GABBR2: variants seen among roughly 807,000 people sequenced by gnomAD.
The protein encoded by GABBR2 is G-protein coupled receptor 51.
GABBR2 carries 23 observed loss-of-function variants against 105.6 expected under a neutral mutation model. That is an observed-to-expected ratio of 0.22 (90% CI 0.16 to 0.31). The LOEUF (loss-of-function observed/expected upper bound fraction) is 0.31. GABBR2 is among the 10% of genes least tolerant of loss of function. The pLI is 1.00. For synonymous variants in GABBR2, 478 were observed against 499.7 expected (o/e 0.96, Z 0.58); for missense variants, 734 against 1,245.5 (o/e 0.59, Z 6.18).
chr9:98,551,295 C>T (rs1828481496), intron 2 of GABBR2, among the ~76,000 whole-genome samples: 1 of 152,058 alleles, frequency 6.6e-6, no homozygotes, highest in Non-Finnish European at 1.5e-5. Context: ...CCCAGCTACC[C>T]AGGAGGCTGA....
At chr9:98,337,299 C>T (rs1225208682) in intron 13 of GABBR2, among the ~76,000 whole-genome samples, 3 of 151,868 alleles carry the variant, frequency 2.0e-5, no homozygotes, top group African/African-American at 7.3e-5. Flanking sequence ...AGTGAGACTC[C>T]ATCTCGGAAG....
intron 1 of GABBR2, among the ~76,000 whole-genome samples, chr9:98,693,877 G>C (rs1347845911): frequency 6.6e-6 from 1 of 152,258 alleles, no homozygotes; most frequent in Non-Finnish European, 1.5e-5. Flanking sequence ...AGCATGCAGA[G>C]AATTCTGAGC....
intron 3 of GABBR2, among the ~76,000 whole-genome samples, chr9:98,508,293 A>G (rs1033026918): frequency 6.6e-6 from 1 of 152,220 alleles, no homozygotes; most frequent in Non-Finnish European, 1.5e-5. Flanking sequence ...AGGAGCCAAG[A>G]TGGCCGAATA....
At chr9:98,427,078 G>A (rs1026051031) in intron 7 of GABBR2, among the ~76,000 whole-genome samples, 1 of 152,212 alleles carries the variant, frequency 6.6e-6, no homozygotes, top group Non-Finnish European at 1.5e-5. Context: ...CTGCTTTGAT[G>A]GTCCCAGTGT....
chr9:98,376,543 G>A (rs1433917449), intron 11 of GABBR2, among the ~76,000 whole-genome samples: 7 of 145,236 alleles, frequency 4.8e-5, no homozygotes, highest in South Asian at 4.2e-4. Flanking sequence ...CTCCCAGAGC[G>A]CCCCAAAGCA....
intron 1 of GABBR2, among the ~76,000 whole-genome samples, chr9:98,680,481 G>A (rs1365441098): frequency 6.6e-6 from 1 of 151,814 alleles, no homozygotes; most frequent in African/African-American, 2.4e-5. Flanking sequence ...AATTTTCTTT[G>A]TATTTTTTTA....
intron 2 of GABBR2, among the ~76,000 whole-genome samples, chr9:98,559,080 C>A (rs982035777): frequency 6.6e-6 from 1 of 152,044 alleles, no homozygotes; most frequent in Non-Finnish European, 1.5e-5. Context: ...GTTTTTATTT[C>A]AGCTCTAAAA....
At chr9:98,508,768 A>AG (rs202234185) in intron 3 of GABBR2, among the ~76,000 whole-genome samples, 75,845 of 150,750 alleles carry the variant, frequency 0.5, 19,880 homozygotes, top group East Asian at 0.77. Context: ...ACAAAGCGGC[A>AG]GGAAACTCCA....
At chr9:98,633,365 G>A (rs1395192958) in intron 1 of GABBR2, among the ~76,000 whole-genome samples, 7 of 152,182 alleles carry the variant, frequency 4.6e-5, no homozygotes, top group African/African-American at 1.4e-4. Context: ...GCTTACGCCC[G>A]TAATCCCAGC....
At chr9:98,602,223 C>T (rs1165530907) in intron 1 of GABBR2, among the ~76,000 whole-genome samples, 5 of 151,390 alleles carry the variant, frequency 3.3e-5, no homozygotes, top group Non-Finnish European at 7.4e-5. Context: ...CTTGTAATCC[C>T]AGCACTTTGG....
chr9:98,531,265 G>A (rs1229112105), intron 3 of GABBR2, among the ~76,000 whole-genome samples: 5 of 152,160 alleles, frequency 3.3e-5, no homozygotes, highest in Admixed American at 3.3e-4. Context: ...GGGTCCATGT[G>A]GAGTGGGGAG....
At chr9:98,512,208 C>T (rs1262837551) in intron 3 of GABBR2, among the ~76,000 whole-genome samples, 4 of 131,414 alleles carry the variant, frequency 3.0e-5, no homozygotes, top group African/African-American at 1.1e-4. Context: ...AATTCAACAG[C>T]CCTTCATGCT....
rs1450238659 is a variant in GABBR2, at chr9:98,643,447, T to C, written c.321+64970A>G. Among the ~76,000 whole-genome samples the C allele has an allele frequency of 3.3e-5, 5 of 152,356 alleles. No homozygotes were observed. In the South Asian group the frequency reaches 8.3e-4, roughly 25 times the overall value. ...TGCATAGTGGACATTCTTTCCACTG[T>C]CTTTGTTCCTGAAATTCACTGATAG... On this transcript the variant is annotated intron_variant, in intron 1 of 18. Coordinates refer to ENST00000259455, the MANE Select transcript of GABBR2 (RefSeq NM_005458.8).
chr9:98,698,503 C>CTTTTT (rs200900023), intron 1 of GABBR2, among the ~76,000 whole-genome samples: 1 of 78,730 alleles, frequency 1.3e-5, no homozygotes, highest in African/African-American at 3.4e-5. Context: ...ATGCACAATT[C>CTTTTT]TTTTTTTTTT....
chr9:98,681,841 C>T (rs113464292), intron 1 of GABBR2, among the ~76,000 whole-genome samples: 122 of 152,102 alleles, frequency 8.0e-4, no homozygotes, highest in African/African-American at 2.7e-3. Flanking sequence ...ATTTATAAAG[C>T]CATGGAGTAC....
At chr9:98,317,736 T>C (rs1057220249) in intron 13 of GABBR2, among the ~76,000 whole-genome samples, 7 of 152,154 alleles carry the variant, frequency 4.6e-5, no homozygotes, top group African/African-American at 1.7e-4. Context: ...CATGTTGGTG[T>C]GGGGGTACAG....
intron 1 of GABBR2, among the ~76,000 whole-genome samples, chr9:98,665,555 AC>A (rs1254920081): frequency 6.6e-6 from 1 of 152,186 alleles, no homozygotes; most frequent in Admixed American, 6.5e-5. Context: ...ACCCTATAGT[AC>A]TAGAGGAATC....
intron 1 of GABBR2, among the ~76,000 whole-genome samples, chr9:98,592,095 G>A (rs1161836646): frequency 6.6e-6 from 1 of 152,204 alleles, no homozygotes; most frequent in African/African-American, 2.4e-5. Flanking sequence ...TGCTAATGGG[G>A]AAGGAAAATG....
At chr9:98,606,956 T>A in intron 1 of GABBR2, 2 of 739,400 alleles carry the variant, frequency 2.7e-6, no homozygotes, top group Non-Finnish European at 2.5e-6. Context: ...TGCCCGCGGC[T>A]CCGCCTGCAT....
Sources: gnomAD v4.1 joint callset for allele counts (sites outside exome capture counted in the v4.1 genomes callset) on GRCh38, gnomAD v4.1.1 for gene constraint, MANE v1.5 for transcripts, NCBI Gene and HGNC (gene_info 2026-07-23, HGNC 2026-07-21) for gene names.